Variants in SRP68 observed in about 807,000 individuals in gnomAD.
The protein encoded by SRP68 is signal recognition particle 68.
Under a neutral mutation model 82.2 loss-of-function variants are expected in SRP68, and 15 were observed. The ratio of observed to expected loss-of-function variants is 0.18; its 90% CI spans 0.12 to 0.28. The LOEUF is 0.28. Among genes scored for constraint, SRP68 ranks in the 10% least tolerant of loss-of-function variants. SRP68 has a pLI of 1.00. For missense variants in SRP68, 595 were observed against 780.5 expected, an observed-to-expected ratio of 0.76 and a Z score of 2.83; for synonymous variants, 261 against 292.6, an observed-to-expected ratio of 0.89 and a Z score of 1.10.
At chr17:76,059,426 C>T (rs1206249863) in intron 7 of SRP68, among the ~76,000 whole-genome samples, 2 of 151,978 alleles carry the variant, frequency 1.3e-5, no homozygotes, top group Non-Finnish European at 2.9e-5. Flanking sequence ...CCTGTAATCC[C>T]AGCTACTTGG....
intron 2 of SRP68, 120 bp from the exon 3 acceptor site, chr17:76,067,450 A>G (rs958943832): frequency 1.1e-5 from 8 of 704,664 alleles, no homozygotes; most frequent in South Asian, 3.1e-5. Context: ...TGGTTACTAG[A>G]ATTATCACAT....
chr17:76,054,462 G>A (rs2066698105), intron 8 of SRP68, among the ~76,000 whole-genome samples: 1 of 152,012 alleles, frequency 6.6e-6, no homozygotes, highest in African/African-American at 2.4e-5. Context: ...GAATATACAT[G>A]AATATATATA....
In SRP68 at chr17:76,063,003, T is replaced by C. The variant is rs552408252; in HGVS notation, c.561+973A>G. On this transcript the variant is annotated intron_variant, in intron 4 of 15. Transcript: ENST00000307877. ...GCCAGGATGGTCTCGATCTCCTGAC[T>C]TTGTGATCTGCCCACCTTGGCCTCC... 4.8e-3 allele frequency among the ~76,000 whole-genome samples: 720 copies of C among 151,128 alleles called. 3 individuals are homozygous for C. The highest frequency in any genetic ancestry group is 0.013 in the South Asian group (61 of 4,792).
At chr17:76,063,471 C>T (rs929082515) in intron 4 of SRP68, among the ~76,000 whole-genome samples, 2 of 151,996 alleles carry the variant, frequency 1.3e-5, no homozygotes, top group South Asian at 2.1e-4. Flanking sequence ...GGGTGGATCA[C>T]GAGGTCAGGA....
intron 4 of SRP68, among the ~76,000 whole-genome samples, chr17:76,062,863 C>T (rs567404236): frequency 2.5e-4 from 36 of 143,788 alleles, no homozygotes; most frequent in Non-Finnish European, 4.9e-4. Flanking sequence ...CTCCGCCTCC[C>T]GGGTTCACAC....
intron 6 of SRP68, among the ~76,000 whole-genome samples, chr17:76,060,901 G>C (rs1382873339): frequency 1.3e-5 from 2 of 152,198 alleles, no homozygotes; most frequent in Non-Finnish European, 2.9e-5. Flanking sequence ...AGCACAGCAG[G>C]ACAGACACAG....
At chr17:76,062,946 A>G (rs1294807599) in intron 4 of SRP68, among the ~76,000 whole-genome samples, 1 of 148,060 alleles carries the variant, frequency 6.8e-6, no homozygotes, top group Non-Finnish European at 1.5e-5. Context: ...AATTTTTTGT[A>G]TTTTTAGTAG....
At chr17:76,068,293 G>GA (rs201544661) in intron 2 of SRP68, among the ~76,000 whole-genome samples, 96 of 139,598 alleles carry the variant, frequency 6.9e-4, no homozygotes, top group Admixed American at 5.7e-4. Context: ...ACTCCGTCTC[G>GA]AAAAAAAAAA....
intron 13 of SRP68, 114 bp from the exon 14 acceptor site, chr17:76,041,092 A>G: frequency 1.4e-6 from 1 of 723,158 alleles, no homozygotes; most frequent in Non-Finnish European, 2.3e-6. Flanking sequence ...TAGACTTTCT[A>G]AACGGTTCTC....
chr17:76,059,775 G>A (rs2066737678), intron 7 of SRP68, among the ~76,000 whole-genome samples: 1 of 127,158 alleles, frequency 7.9e-6, no homozygotes, highest in African/African-American at 3.3e-5. Context: ...CTGAGCGACA[G>A]AGTAAGACTG....
chr17:76,047,928 A>G lies in SRP68; in HGVS notation c.1120T>C (p.Ser374Pro), dbSNP rs1415957990. 6.4e-7 allele frequency: 1 copy of G among 1,573,540 alleles called. No homozygotes were observed. Among genetic ancestry groups the G allele is most frequent in the South Asian group, 1.2e-5 (1 of 82,734 alleles). ...YILEGEPGKVSNLQYLHSYLT... is the reference protein window; with the variant it reads ...YILEGEPGKVPNLQYLHSYLT... ...TACCTATGCAAGTATTGAAGATTAG[A>G]CACCTTCCCTGGCTCTCCTTCAAGG... Residue 374 changes from serine to proline, a missense_variant, in exon 10 of 16, where the codon TCT (serine) becomes CCT (proline). By Grantham distance (74) the Ser-to-Pro change is moderately conservative. Around this residue, in one of 2 missense-constraint regions of SRP68, gnomAD observed 495 missense variants for 688.6 expected, o/e 0.72. Transcript: ENST00000307877.
intron 8 of SRP68, chr17:76,053,335 G>A (rs1012130883): frequency 6.3e-6 from 2 of 318,784 alleles, no homozygotes; most frequent in Middle Eastern, 1.6e-3. Context: ...GAAGAGCTAC[G>A]GCGCCCGTTT....
At chr17:76,065,258 T>C (rs1280800150) in intron 3 of SRP68, among the ~76,000 whole-genome samples, 1 of 151,868 alleles carries the variant, frequency 6.6e-6, no homozygotes, top group Non-Finnish European at 1.5e-5. Flanking sequence ...GAAACCAGCC[T>C]GGTCAGCACA....
intron 4 of SRP68, among the ~76,000 whole-genome samples, chr17:76,062,797 G>A (rs1251084202): frequency 8.9e-6 from 1 of 112,246 alleles, no homozygotes; most frequent in Non-Finnish European, 1.7e-5. Flanking sequence ...TTGAGATGGA[G>A]TCTTGCTCTG....
intron 5 of SRP68, 127 bp from the exon 6 acceptor site, chr17:76,061,346 C>A: frequency 1.0e-6 from 1 of 972,016 alleles, no homozygotes; most frequent in Non-Finnish European, 1.6e-6. Flanking sequence ...CTGGCATGTT[C>A]TAAGGTTGAA....
At chr17:76,061,710 C>G in intron 4 of SRP68, 136 bp from the exon 5 acceptor site, 3 of 637,978 alleles carry the variant, frequency 4.7e-6, no homozygotes, top group South Asian at 4.3e-5. Context: ...CCTGTAATCC[C>G]AGCACTTTGG....
rs755696245 is a variant in SRP68 at position 76,072,469 on chromosome 17, G to A, written c.23C>T (p.Pro8Leu). Residue 8 changes from proline to leucine, a missense_variant, in exon 1 of 16, where the codon CCA becomes CTA. Pro to Leu is a moderately conservative substitution (Grantham distance 98, BLOSUM62 -3). Around this residue, in one of 2 missense-constraint regions of SRP68, gnomAD observed 100 missense variants for 91.9 expected, o/e 1.09. Coordinates refer to ENST00000307877, the MANE Select transcript of SRP68 (RefSeq NM_014230.4). The surrounding 1 kb of genome is among the most constrained non-coding windows in gnomAD (Gnocchi z 4.5). MAAEKQV[P>L]GGGGGGGSGG... ...ACTGCCGCCGCCGCCGCCGCCGCCT[G>A]GGACCTGCTTCTCAGCAGCCATCTT... 1.1e-5 allele frequency: 18 copies of A among 1,579,026 alleles called. No individual in the cohort carries two copies. The highest frequency in any genetic ancestry group is 1.5e-5 in the Non-Finnish European group (17 of 1,169,792).
In SRP68 at chr17:76,061,562, A is replaced by G. The variant is rs1424245362; in HGVS notation, c.574T>C (p.Tyr192His). Residue 192 changes from tyrosine to histidine, a missense_variant, in exon 5 of 16, where the codon TAC becomes CAC. By Grantham distance (83) the Tyr-to-His change is moderately conservative. This residue lies in a region of SRP68 where 495 missense variants were observed against 688.6 expected (regional missense o/e 0.72). Transcript: ENST00000307877. ...TKLEAQAYTAYLSGMLRFEHQ... is the reference protein window; with the variant it reads ...TKLEAQAYTAHLSGMLRFEHQ... Reference sequence around the variant, plus strand: ...TCAAAACGTAGCATTCCTGAGAGGTAAGCTGTGTAAGCCTGTGAGGAGATG... The same window carrying G: ...TCAAAACGTAGCATTCCTGAGAGGTGAGCTGTGTAAGCCTGTGAGGAGATG... 1 of 1,613,850 alleles carries G rather than the reference A, an allele frequency of 6.2e-7. No homozygotes were observed. The highest frequency in any genetic ancestry group is 1.3e-5 in the African/African-American group (1 of 74,944).
chr17:76,061,238 C>A lies in SRP68; in HGVS notation c.645-19G>T. On this transcript the variant is annotated intron_variant, in intron 5 of 15. Coordinates refer to ENST00000307877, the MANE Select transcript of SRP68 (RefSeq NM_014230.4). ...GATAGTTCTGCGAGAAAAGAAAAGCCAGGTTTTACATCAGCCTTATATAAG... is the reference window on the plus strand; with the variant it reads ...GATAGTTCTGCGAGAAAAGAAAAGCAAGGTTTTACATCAGCCTTATATAAG... The A allele has an allele frequency of 6.6e-7, 1 of 1,526,336 alleles. No homozygotes were observed. The highest frequency in any genetic ancestry group is 9.1e-7 in the Non-Finnish European group (1 of 1,103,500). The allele number at this position is 1,526,336 out of a possible 1,614,324, so 94.5% of individuals were successfully genotyped here.
Sources: allele counts gnomAD v4.1 joint callset (sites outside exome capture counted in the v4.1 genomes callset), GRCh38; gene constraint gnomAD v4.1.1; regional missense constraint gnomAD v4.1.1; non-coding constraint Gnocchi (gnomAD v3.1); transcripts MANE v1.5; gene names NCBI Gene and HGNC (gene_info 2026-07-23, HGNC 2026-07-21).